SHC3: variants seen among roughly 807,000 people sequenced by gnomAD.
SHC3 encodes SHC adaptor protein 3, also known as SHC-transforming protein 3.
In SHC3, 15 loss-of-function variants were observed where a neutral mutation model predicts 60.4. The ratio of observed to expected loss-of-function variants is 0.25; its 90% CI spans 0.17 to 0.38. SHC3 has a LOEUF of 0.38. Among genes scored for constraint, SHC3 ranks in the 10% least tolerant of loss-of-function variants. The pLI, the probability that SHC3 is intolerant of heterozygous loss-of-function variation, is 1.00. For synonymous variants in SHC3, 294 were observed against 325.9 expected (o/e 0.90, Z 1.05); for missense variants, 677 against 786.1 (o/e 0.86, Z 1.66).
At chr9:89,074,959 G>T in intron 4 of SHC3, 150 bp downstream of exon 4, 1 of 932,782 alleles carries the variant, frequency 1.1e-6, no homozygotes, top group Non-Finnish European at 1.5e-6. Flanking sequence ...TTCTCTTGGT[G>T]ATCCTTCAAA....
At chr9:89,061,859 T>A (rs1382611450) in intron 6 of SHC3, among the ~76,000 whole-genome samples, 1 of 152,306 alleles carries the variant, frequency 6.6e-6, no homozygotes, top group East Asian at 1.9e-4. Flanking sequence ...ACTCACTTAG[T>A]AGCTGACTCA....
chr9:89,022,438 G>A (rs1202430880), intron 11 of SHC3, among the ~76,000 whole-genome samples: 1 of 152,128 alleles, frequency 6.6e-6, no homozygotes, highest in Non-Finnish European at 1.5e-5. Context: ...ACCGTGGGAC[G>A]TACAGTCAAC....
At position 89,096,223 on chromosome 9, in the gene SHC3, G is replaced by A. The variant is rs1274667395; in HGVS notation, c.545+16333C>T. On this transcript the variant is annotated intron_variant, in intron 2 of 11. Coordinates refer to ENST00000375835, the MANE Select transcript of SHC3 (RefSeq NM_016848.6). ...TTAAAATTTTGCCTTCTACTAAGTA[G>A]GCATGAGATGATTGGAGATTCCTAG... Among the ~76,000 whole-genome samples, 7 of 152,282 alleles carry A rather than the reference G, an allele frequency of 4.6e-5. No homozygotes were observed. The East Asian group carries it at 1.4e-3, about 29-fold the overall frequency.
At chr9:89,016,481 T>C (rs1826095715) in intron 11 of SHC3, among the ~76,000 whole-genome samples, 1 of 151,864 alleles carries the variant, frequency 6.6e-6, no homozygotes, top group Non-Finnish European at 1.5e-5. Flanking sequence ...CAAGAAGAAA[T>C]AAACAATCAG....
At chr9:89,138,835 T>C (rs985798795) in intron 1 of SHC3, among the ~76,000 whole-genome samples, 2 of 151,388 alleles carry the variant, frequency 1.3e-5, no homozygotes, top group African/African-American at 4.8e-5. Context: ...GGGTCTCTTA[T>C]ATTAGGCATA....
intron 2 of SHC3, among the ~76,000 whole-genome samples, chr9:89,095,924 G>A (rs1825694776): frequency 6.6e-6 from 1 of 152,110 alleles, no homozygotes. Flanking sequence ...TTCCAAACCT[G>A]GATGATAACA....
chr9:89,146,839 C>T (rs761293151), intron 1 of SHC3, among the ~76,000 whole-genome samples: 2 of 152,186 alleles, frequency 1.3e-5, no homozygotes, highest in African/African-American at 2.4e-5. Context: ...TCATTCACTG[C>T]TAGCACGGGT....
At chr9:89,016,795 GT>G (rs1296235751) in intron 11 of SHC3, among the ~76,000 whole-genome samples, 9 of 152,250 alleles carry the variant, frequency 5.9e-5, no homozygotes, top group Non-Finnish European at 1.3e-4. Flanking sequence ...ACCCAACAAT[GT>G]ATAAAAAGAA....
intron 1 of SHC3, among the ~76,000 whole-genome samples, chr9:89,119,761 G>C (rs1377057485): frequency 6.6e-6 from 1 of 152,176 alleles, no homozygotes; most frequent in Non-Finnish European, 1.5e-5. Flanking sequence ...TTTTCCCCCA[G>C]AACATGGGAA....
intron 11 of SHC3, among the ~76,000 whole-genome samples, chr9:89,022,780 A>T (rs1212304657): frequency 6.6e-6 from 1 of 152,164 alleles, no homozygotes; most frequent in East Asian, 1.9e-4. Context: ...ATAAGTGCCT[A>T]GTGCACTTAT....
intron 7 of SHC3, among the ~76,000 whole-genome samples, chr9:89,047,969 G>GGC (rs1320926298): frequency 6.6e-6 from 1 of 152,198 alleles, no homozygotes; most frequent in East Asian, 1.9e-4. Context: ...GGTAGGGCCG[G>GGC]GCGCAGTGGC....
intron 2 of SHC3, among the ~76,000 whole-genome samples, chr9:89,108,059 G>A (rs1021160634): frequency 2.6e-5 from 4 of 152,074 alleles, no homozygotes; most frequent in African/African-American, 9.7e-5. Context: ...TGTTCCAATT[G>A]CCTACAGAAT....
chr9:89,157,537 T>G (rs990705999), intron 1 of SHC3, among the ~76,000 whole-genome samples: 2 of 152,264 alleles, frequency 1.3e-5, no homozygotes, highest in African/African-American at 2.4e-5. Flanking sequence ...GTCACTAAAT[T>G]TGTGGTCATT....
At chr9:89,013,676 G>T in intron 11 of SHC3, 101 bp from the exon 12 acceptor site, 27 of 1,472,142 alleles carry the variant, frequency 1.8e-5, no homozygotes, top group Non-Finnish European at 2.4e-5. Flanking sequence ...TGGCCCAGAA[G>T]GAAAGGAGGG....
intron 1 of SHC3, among the ~76,000 whole-genome samples, chr9:89,138,818 C>T (rs756064534): frequency 9.2e-5 from 14 of 152,010 alleles, no homozygotes; most frequent in Non-Finnish European, 1.8e-4. Context: ...GATATTCCTG[C>T]CTATTAGGGT....
At chr9:89,155,456 G>A (rs1337767847) in intron 1 of SHC3, among the ~76,000 whole-genome samples, 1 of 152,124 alleles carries the variant, frequency 6.6e-6, no homozygotes, top group East Asian at 1.9e-4. Context: ...CTAGTCCATT[G>A]CTTCTCCATC....
intron 1 of SHC3, among the ~76,000 whole-genome samples, chr9:89,118,592 C>A (rs1826048992): frequency 2.0e-5 from 3 of 149,126 alleles, no homozygotes; most frequent in African/African-American, 2.5e-5. Flanking sequence ...ACACACAGAT[C>A]AAGAGAGAAA....
At chr9:89,074,978 A>C (rs1825333171) in intron 4 of SHC3, 131 bp downstream of exon 4, 1 of 1,237,252 alleles carries the variant, frequency 8.1e-7, no homozygotes, top group African/African-American at 1.5e-5. Flanking sequence ...AAGTGGCCAA[A>C]GTTCATACTC....
In SHC3 at chr9:89,038,278, T is replaced by C; in HGVS notation, c.1371A>G (p.Glu457=). The change falls in exon 11 of 12, where the codon GAA becomes GAG. Residue 457 remains glutamate, a synonymous_variant. Coordinates refer to ENST00000375835, the MANE Select transcript of SHC3 (RefSeq NM_016848.6). Reference sequence around the variant, plus strand: ...CCAAGGGCTGGTTCTTGAGAGCATCTTCAAAAGGTTCTGTCATCAACAATA... The same window carrying C: ...CCAAGGGCTGGTTCTTGAGAGCATCCTCAAAAGGTTCTGTCATCAACAATA... The part of the protein sequence containing the change: ...RKDLFDMKPF[E]DALKNQPLGP... 6.2e-7 allele frequency: 1 copy of C among 1,611,188 alleles called. No individual in the cohort carries two copies.
Sources: allele counts gnomAD v4.1 joint callset (sites outside exome capture counted in the v4.1 genomes callset), GRCh38; gene constraint gnomAD v4.1.1; transcripts MANE v1.5; gene names NCBI Gene and HGNC (gene_info 2026-07-23, HGNC 2026-07-21).